GALNTL6: variants seen among roughly 807,000 people sequenced by gnomAD.
GALNTL6 encodes polypeptide N-acetylgalactosaminyltransferase like 6.
Under a neutral mutation model 73.7 loss-of-function variants are expected in GALNTL6, and 46 were observed. The observed-to-expected ratio is 0.62, with a 90% CI of 0.49 to 0.80. GALNTL6 has a LOEUF of 0.80. Ranked by LOEUF, GALNTL6 falls within the 30% of genes least tolerant of loss-of-function variation. The pLI is 0.00. For missense variants in GALNTL6, 604 were observed against 755.0 expected, an observed-to-expected ratio of 0.80 and a Z score of 2.34; for synonymous variants, 259 against 263.7, an observed-to-expected ratio of 0.98 and a Z score of 0.17.
chr4:172,358,501 AT>A (rs201318745), intron 5 of GALNTL6, among the ~76,000 whole-genome samples: 4 of 151,342 alleles, frequency 2.6e-5, no homozygotes, highest in Non-Finnish European at 4.4e-5. Context: ...ACATTATGAG[AT>A]TTTTTTTTGC....
chr4:171,887,235 C>T (rs1736630862), intron 2 of GALNTL6, among the ~76,000 whole-genome samples: 1 of 152,106 alleles, frequency 6.6e-6, no homozygotes, highest in African/African-American at 2.4e-5. Context: ...CTAAACCCCA[C>T]CTCCCAACAT....
At chr4:171,838,330 C>G (rs922570126) in intron 2 of GALNTL6, among the ~76,000 whole-genome samples, 1 of 151,938 alleles carries the variant, frequency 6.6e-6, no homozygotes, top group Non-Finnish European at 1.5e-5. Flanking sequence ...ACCATGTTGG[C>G]CAGGCTGGTC....
chr4:172,423,287 A>G (rs1423511482), intron 5 of GALNTL6, among the ~76,000 whole-genome samples: 1 of 151,986 alleles, frequency 6.6e-6, no homozygotes, highest in Non-Finnish European at 1.5e-5. Context: ...CTCTGTGAAA[A>G]ACCCAACAAT....
chr4:172,294,849 A>C (rs562687835), intron 3 of GALNTL6, among the ~76,000 whole-genome samples: 1 of 152,294 alleles, frequency 6.6e-6, no homozygotes, highest in South Asian at 2.1e-4. Flanking sequence ...TAGGAAATAA[A>C]AGCTTTTCAG....
intron 2 of GALNTL6, among the ~76,000 whole-genome samples, chr4:171,982,523 C>A (rs1017407945): frequency 3.3e-5 from 5 of 152,062 alleles, no homozygotes; most frequent in Admixed American, 2.0e-4. Context: ...TGGTCTTGAT[C>A]TCCTGACCTC....
chr4:171,971,730 TA>T (rs1197288491), intron 2 of GALNTL6, among the ~76,000 whole-genome samples: 1 of 152,188 alleles, frequency 6.6e-6, no homozygotes, highest in African/African-American at 2.4e-5. Context: ...TTGAATATTA[TA>T]AAAAAATATA....
chr4:171,982,036 G>C (rs1299169028), intron 2 of GALNTL6, among the ~76,000 whole-genome samples: 2 of 152,050 alleles, frequency 1.3e-5, no homozygotes, highest in Non-Finnish European at 2.9e-5. Context: ...GTCTATTAAG[G>C]AGTGAAAACT....
intron 5 of GALNTL6, among the ~76,000 whole-genome samples, chr4:172,758,584 C>T (rs1737887676): frequency 6.6e-6 from 1 of 152,116 alleles, no homozygotes; most frequent in South Asian, 2.1e-4. Flanking sequence ...GAGATATATC[C>T]CCATCAGTAT....
intron 2 of GALNTL6, among the ~76,000 whole-genome samples, chr4:172,168,856 G>C (rs1734721403): frequency 6.6e-6 from 1 of 152,134 alleles, no homozygotes; most frequent in Admixed American, 6.6e-5. Flanking sequence ...TAATTTTTGT[G>C]ATGTTTTTAA....
chr4:172,024,320 A>AAT (rs1422883421), intron 2 of GALNTL6, among the ~76,000 whole-genome samples: 3 of 151,674 alleles, frequency 2.0e-5, no homozygotes, highest in African/African-American at 4.8e-5. Flanking sequence ...TGCTTTGTTT[A>AAT]ATATATATAT....
intron 5 of GALNTL6, among the ~76,000 whole-genome samples, chr4:172,560,976 G>A (rs1009036834): frequency 4.6e-5 from 7 of 152,076 alleles, no homozygotes; most frequent in South Asian, 2.1e-4. Flanking sequence ...TTGCCCGGCC[G>A]GGCGCGGTGG....
chr4:172,960,945 TG>T (rs1244931649), intron 10 of GALNTL6, among the ~76,000 whole-genome samples: 1 of 128,994 alleles, frequency 7.8e-6, no homozygotes, highest in African/African-American at 3.0e-5. Context: ...AGAGAAAGGG[TG>T]GGGGTGCTTG....
chr4:172,921,826 A>G (rs1447873347), intron 8 of GALNTL6, among the ~76,000 whole-genome samples: 5 of 151,924 alleles, frequency 3.3e-5, no homozygotes, highest in Admixed American at 2.6e-4. Flanking sequence ...GAAAAAATGC[A>G]TGTATTCATT....
intron 2 of GALNTL6, among the ~76,000 whole-genome samples, chr4:172,102,228 A>G (rs1003703743): frequency 1.3e-5 from 2 of 152,218 alleles, no homozygotes; most frequent in Non-Finnish European, 2.9e-5. Flanking sequence ...AAAAATAGAA[A>G]GCTAGGATAT....
intron 3 of GALNTL6, among the ~76,000 whole-genome samples, chr4:172,242,821 C>G (rs1737493458): frequency 6.6e-6 from 1 of 152,166 alleles, no homozygotes; most frequent in African/African-American, 2.4e-5. Context: ...GTAGGAGGTG[C>G]CCTCGCTGTT....
At chr4:173,027,981 CTT>C (rs1156847352) in intron 12 of GALNTL6, among the ~76,000 whole-genome samples, 1 of 152,136 alleles carries the variant, frequency 6.6e-6, no homozygotes, top group Non-Finnish European at 1.5e-5. Context: ...ATGTGAAAGA[CTT>C]TTATGCAGAA....
intron 3 of GALNTL6, among the ~76,000 whole-genome samples, chr4:172,246,172 CA>C (rs1339326510): frequency 6.6e-6 from 1 of 152,010 alleles, no homozygotes; most frequent in Non-Finnish European, 1.5e-5. Context: ...ACCAGGAGAG[CA>C]CAATAGAATT....
chr4:172,494,179 AT>A (rs1015110199), intron 5 of GALNTL6, among the ~76,000 whole-genome samples: 1 of 152,136 alleles, frequency 6.6e-6, no homozygotes, highest in Non-Finnish European at 1.5e-5. Flanking sequence ...TCACTGCCTT[AT>A]TTTTGTCAGG....
chr4:172,151,147 G>A (rs548310232), intron 2 of GALNTL6, among the ~76,000 whole-genome samples: 33 of 152,214 alleles, frequency 2.2e-4, no homozygotes, highest in African/African-American at 7.9e-4. Flanking sequence ...TATCTATATA[G>A]ATGACATAGA....
Sources: gnomAD v4.1 joint callset for allele counts (sites outside exome capture counted in the v4.1 genomes callset) on GRCh38, gnomAD v4.1.1 for gene constraint, MANE v1.5 for transcripts, NCBI Gene and HGNC (gene_info 2026-07-23, HGNC 2026-07-21) for gene names.